CLCN5: variants seen among roughly 807,000 people sequenced by gnomAD.
The protein encoded by CLCN5 is Cl-/H+ antiporter 5.
In CLCN5, 17 loss-of-function variants were observed where a neutral mutation model predicts 54.0. That is an observed-to-expected ratio of 0.31 (90% CI 0.22 to 0.47). The LOEUF is 0.47. CLCN5 is among the 20% of genes least tolerant of loss of function. The probability of loss-of-function intolerance (pLI) is 1.00; values close to 1 mark genes in which losing one functional copy is unlikely to be tolerated. For synonymous variants in CLCN5, 222 were observed against 233.0 expected (o/e 0.95, Z 0.43); for missense variants, 448 against 646.7 (o/e 0.69, Z 3.33).
intron 3 of CLCN5, among the ~76,000 whole-genome samples, chrX:50,018,585 T>A (rs960732390): frequency 4.5e-5 from 5 of 111,834 alleles, no homozygotes; most frequent in African/African-American, 1.6e-4. Flanking sequence ...ATGTTAGCTG[T>A]AGGTTTTTGT....
chrX:49,994,367 C>T (rs1929408487), intron 3 of CLCN5, among the ~76,000 whole-genome samples: 1 of 110,026 alleles, frequency 9.1e-6, no homozygotes, highest in Non-Finnish European at 1.9e-5. Flanking sequence ...GGGGGCTAGC[C>T]ACAATAGGAA....
At chrX:50,070,160 A>G (rs1329826321) in intron 5 of CLCN5, 130 bp downstream of exon 5, 2 of 594,028 alleles carry the variant, frequency 3.4e-6, no homozygotes, top group Non-Finnish European at 2.6e-6. Context: ...TTGGCAATAT[A>G]GAGTTTCATT....
chrX:49,939,834 G>T (rs1024557952), intron 3 of CLCN5, among the ~76,000 whole-genome samples: 1 of 111,359 alleles, frequency 9.0e-6, no homozygotes, highest in Non-Finnish European at 1.9e-5. Context: ...GTGCTTTGTG[G>T]TATCTCTTAC....
At chrX:49,946,545 C>T (rs782395824) in intron 3 of CLCN5, among the ~76,000 whole-genome samples, 1 of 111,759 alleles carries the variant, frequency 8.9e-6, no homozygotes, top group Non-Finnish European at 1.9e-5. Flanking sequence ...TTTTCAAGGC[C>T]AGCGAGGGAT....
At chrX:49,934,737 A>G (rs782768066) in intron 3 of CLCN5, among the ~76,000 whole-genome samples, 1 of 112,172 alleles carries the variant, frequency 8.9e-6, no homozygotes, top group Non-Finnish European at 1.9e-5. Flanking sequence ...ATTACTAGGC[A>G]TGTGAGATAC....
At chrX:49,975,289 C>T (rs1251010124) in intron 3 of CLCN5, among the ~76,000 whole-genome samples, 2 of 111,618 alleles carry the variant, frequency 1.8e-5, no homozygotes, top group African/African-American at 6.5e-5. Context: ...GAAAGTGATT[C>T]TTTAAGGGTC....
intron 3 of CLCN5, among the ~76,000 whole-genome samples, chrX:49,946,122 A>C (rs2147281306): frequency 8.9e-6 from 1 of 112,285 alleles, no homozygotes; most frequent in Non-Finnish European, 1.9e-5. Flanking sequence ...ATTTTGATTT[A>C]TTGTTCCTCT....
intron 3 of CLCN5, 109 bp from the exon 4 acceptor site, chrX:50,042,207 T>C: frequency 2.9e-6 from 1 of 339,186 alleles, no homozygotes; most frequent in Non-Finnish European, 5.2e-6. Flanking sequence ...ATAGTAAGTG[T>C]ACTCAATGCT....
At position 50,093,688 on chromosome X, in the gene CLCN5, A is replaced by C. The variant is rs1286496945; in HGVS notation, c.*1469A>C. On this transcript the variant is annotated 3_prime_UTR_variant, in exon 15 of 15. Transcript: ENST00000376091. ...AATTACTCCCCCTCCATTCTGTTCC[A>C]CTTCTTACTCCTTAGTACCAAATCC... 1 of 111,264 alleles carries C rather than the reference A, an allele frequency of 9.0e-6. No individual in the cohort carries two copies. 9.2% of individuals were successfully genotyped at this position (111,264 alleles called of 1,213,427 possible). A position where few individuals can be genotyped will look rare whatever the true frequency, so the allele number is the denominator to read the frequency against.
chrX:49,933,305 C>T (rs781913974), intron 3 of CLCN5, among the ~76,000 whole-genome samples: 1 of 111,759 alleles, frequency 8.9e-6, no homozygotes, highest in Non-Finnish European at 1.9e-5. Flanking sequence ...TTTGCCTTTC[C>T]ATAACTCTTC....
intron 3 of CLCN5, among the ~76,000 whole-genome samples, chrX:49,999,851 C>CT (rs782816096): frequency 8.0e-5 from 9 of 112,102 alleles, no homozygotes; most frequent in Non-Finnish European, 1.1e-4. Flanking sequence ...TTAAAAGCCC[C>CT]TTTTTTTACT....
At chrX:50,027,477 C>T (rs1931466340) in intron 3 of CLCN5, among the ~76,000 whole-genome samples, 1 of 111,922 alleles carries the variant, frequency 8.9e-6, no homozygotes, top group African/African-American at 3.3e-5. Flanking sequence ...CATTCTTTCT[C>T]TGCTGTGTCC....
intron 3 of CLCN5, among the ~76,000 whole-genome samples, chrX:49,933,228 A>T (rs782036266): frequency 2.1e-4 from 23 of 111,948 alleles, no homozygotes; most frequent in African/African-American, 7.5e-4. Flanking sequence ...TTCTTTGTCA[A>T]TTAAAATAAT....
intron 4 of CLCN5, chrX:50,067,524 T>G (rs1178382290): frequency 3.9e-5 from 26 of 668,376 alleles, no homozygotes; most frequent in East Asian, 3.2e-4. Flanking sequence ...CCCAGGCTGG[T>G]CCAAAGGTCT....
intron 3 of CLCN5, among the ~76,000 whole-genome samples, chrX:49,946,776 G>A (rs1228712932): frequency 9.0e-6 from 1 of 110,540 alleles, no homozygotes; most frequent in African/African-American, 3.3e-5. Flanking sequence ...GCTATATTTG[G>A]CATAGCTCTG....
intron 3 of CLCN5, among the ~76,000 whole-genome samples, chrX:49,947,314 C>A (rs1389611916): frequency 9.0e-6 from 1 of 110,908 alleles, no homozygotes; most frequent in Non-Finnish European, 1.9e-5. Flanking sequence ...AGACAGAGTG[C>A]TGGAGTGGGA....
At chrX:50,079,310 A>G (rs189726529) in intron 7 of CLCN5, among the ~76,000 whole-genome samples, 168 of 111,651 alleles carry the variant, frequency 1.5e-3, no homozygotes, top group South Asian at 5.3e-3. Context: ...CTCAGAAAAA[A>G]CCTGAGCATT....
In CLCN5 at chrX:50,026,045, T is replaced by C. The variant is rs925763379; in HGVS notation, c.17-16271T>C. Among the ~76,000 whole-genome samples, 3 of 112,139 alleles carry C rather than the reference T, an allele frequency of 2.7e-5. No homozygotes were observed. The Admixed American group carries it at 2.8e-4, about 11-fold the overall frequency. ...CTATAAATATCCCTCTAAGCACTGG[T>C]TTCACTGCATCCCACAAATTTTGAT... On this transcript the variant is annotated intron_variant, in intron 3 of 14. Coordinates refer to ENST00000376091, the MANE Select transcript of CLCN5 (RefSeq NM_001127898.4).
chrX:49,992,670 T>C (rs926099998), intron 3 of CLCN5, among the ~76,000 whole-genome samples: 1 of 111,896 alleles, frequency 8.9e-6, no homozygotes, highest in Non-Finnish European at 1.9e-5. Context: ...TCTTTATTTT[T>C]TCCCCCTAGC....
Sources: allele counts gnomAD v4.1 joint callset (sites outside exome capture counted in the v4.1 genomes callset), GRCh38; gene constraint gnomAD v4.1.1; transcripts MANE v1.5; gene names NCBI Gene and HGNC (gene_info 2026-07-23, HGNC 2026-07-21).